ST7: variants seen among roughly 807,000 people sequenced by gnomAD.
The protein encoded by ST7 is suppressor of tumorigenicity 7 protein.
In ST7, 28 loss-of-function variants were observed where a neutral mutation model predicts 78.7. The ratio of observed to expected loss-of-function variants is 0.36; its 90% CI spans 0.26 to 0.49. ST7 has a LOEUF of 0.49. Ranked by LOEUF, ST7 falls within the 20% of genes least tolerant of loss-of-function variation. ST7 has a pLI of 0.99. For synonymous variants in ST7, 247 were observed against 249.6 expected, an observed-to-expected ratio of 0.99 and a Z score of 0.10; for missense variants, 418 against 696.0, an observed-to-expected ratio of 0.60 and a Z score of 4.49.
chr7:117,220,423 A>G (rs1213458381), intron 14 of ST7, among the ~76,000 whole-genome samples: 1 of 152,206 alleles, frequency 6.6e-6, no homozygotes, highest in South Asian at 2.1e-4. Flanking sequence ...TTTACCTTTC[A>G]ACTCCCCCTT....
intron 1 of ST7, chr7:116,972,120 G>A: frequency 1.8e-6 from 1 of 547,966 alleles, no homozygotes. Context: ...CTCAGGCAGA[G>A]TCAGGGTCAG....
At chr7:117,122,651 C>A (rs181885234) in intron 3 of ST7, among the ~76,000 whole-genome samples, 4 of 152,116 alleles carry the variant, frequency 2.6e-5, no homozygotes, top group Non-Finnish European at 1.5e-5. Context: ...AAATAGTTAT[C>A]CTTAGAAAAA....
At chr7:117,114,886 G>A (rs1308593622) in intron 2 of ST7, among the ~76,000 whole-genome samples, 1 of 152,158 alleles carries the variant, frequency 6.6e-6, no homozygotes, top group Admixed American at 6.5e-5. Context: ...TTCCCTGCAG[G>A]TAAATATGAG....
At chr7:117,168,550 A>G (rs1375805979) in intron 9 of ST7, among the ~76,000 whole-genome samples, 1 of 152,204 alleles carries the variant, frequency 6.6e-6, no homozygotes, top group Non-Finnish European at 1.5e-5. Context: ...AATCAAAATG[A>G]ACCAGAACAA....
At chr7:117,206,846 A>G (rs193585) in intron 12 of ST7, among the ~76,000 whole-genome samples, 146,251 of 152,272 alleles carry the variant, frequency 0.96, 70,300 homozygotes, top group East Asian at 1. Flanking sequence ...ATTGTCCACA[A>G]CAGTCAATGC....
At chr7:117,173,794 T>G (rs1237122983) in intron 10 of ST7, among the ~76,000 whole-genome samples, 2 of 152,148 alleles carry the variant, frequency 1.3e-5, no homozygotes, top group African/African-American at 4.8e-5. Context: ...GGTACAGCAA[T>G]CCTTCTTTAT....
chr7:117,169,236 A>G (rs1807800810), intron 9 of ST7, among the ~76,000 whole-genome samples: 1 of 151,464 alleles, frequency 6.6e-6, no homozygotes. Flanking sequence ...CCTGGGTTCA[A>G]GTGATTCTCC....
chr7:117,124,596 A>C (rs930674147), intron 3 of ST7, among the ~76,000 whole-genome samples: 3 of 152,140 alleles, frequency 2.0e-5, no homozygotes, highest in African/African-American at 7.2e-5. Context: ...CATTAACCTA[A>C]CTTACTGTAG....
intron 9 of ST7, among the ~76,000 whole-genome samples, chr7:117,143,554 G>T (rs779006407): frequency 6.6e-6 from 1 of 152,116 alleles, no homozygotes; most frequent in Non-Finnish European, 1.5e-5. Flanking sequence ...AGTGTTTACT[G>T]TGTCCTAGGC....
chr7:117,097,908 A>ATATATATATATATAT, intron 1 of ST7, among the ~76,000 whole-genome samples: 3 of 30,008 alleles, frequency 1.0e-4, no homozygotes, highest in South Asian at 1.9e-3. Context: ...ATATATATAT[A>ATATATATATATATAT]TTTTTTTTTT....
intron 1 of ST7, among the ~76,000 whole-genome samples, chr7:117,005,733 A>T (rs901702542): frequency 8.5e-5 from 13 of 152,122 alleles, no homozygotes; most frequent in African/African-American, 3.1e-4. Flanking sequence ...GTTTCTGCTT[A>T]AAAAAATGTC....
At chr7:116,971,337 A>G (rs1332173061) in intron 1 of ST7, among the ~76,000 whole-genome samples, 1 of 152,226 alleles carries the variant, frequency 6.6e-6, no homozygotes, top group African/African-American at 2.4e-5. Context: ...TGAGTTTCAC[A>G]TGGCTGAATC....
At chr7:117,002,907 C>G (rs1265261552) in intron 1 of ST7, among the ~76,000 whole-genome samples, 2 of 128,436 alleles carry the variant, frequency 1.6e-5, no homozygotes, top group African/African-American at 3.0e-5. Context: ...ACTGCTAACT[C>G]TGCCTCCCAG....
chr7:116,955,416 T>C (rs1418787368), intron 1 of ST7, among the ~76,000 whole-genome samples: 1 of 151,948 alleles, frequency 6.6e-6, no homozygotes, highest in East Asian at 1.9e-4. Flanking sequence ...GGTGGAAGGG[T>C]AAGAGAACAT....
intron 1 of ST7, among the ~76,000 whole-genome samples, chr7:117,053,109 T>TTTG (rs869039634): frequency 7.9e-6 from 1 of 127,048 alleles, no homozygotes; most frequent in Non-Finnish European, 1.9e-5. Context: ...ATTTAAGTTG[T>TTTG]TTGTTGTTCT....
chr7:117,109,026 A>G (rs112772129), intron 2 of ST7, among the ~76,000 whole-genome samples: 28 of 152,286 alleles, frequency 1.8e-4, no homozygotes, highest in African/African-American at 6.7e-4. Context: ...TTCTAGGTAT[A>G]TGATCATGTC....
At chr7:116,975,266 A>T (rs1357049055) in intron 1 of ST7, among the ~76,000 whole-genome samples, 1 of 152,142 alleles carries the variant, frequency 6.6e-6, no homozygotes, top group African/African-American at 2.4e-5. Flanking sequence ...TCACAACAGC[A>T]TGGGAAAAAC....
intron 2 of ST7, among the ~76,000 whole-genome samples, chr7:117,101,428 A>C (rs1801560503): frequency 6.6e-6 from 1 of 152,116 alleles, no homozygotes; most frequent in East Asian, 1.9e-4. Flanking sequence ...CACTAAGGGC[A>C]CTCTTAGAAG....
chr7:116,964,527 G>A (rs1562980459), intron 1 of ST7, among the ~76,000 whole-genome samples: 1 of 152,136 alleles, frequency 6.6e-6, no homozygotes, highest in Non-Finnish European at 1.5e-5. Flanking sequence ...TGGGGAGCGT[G>A]TGTATGTTTG....
Sources: allele counts gnomAD v4.1 joint callset (sites outside exome capture counted in the v4.1 genomes callset), GRCh38; gene constraint gnomAD v4.1.1; transcripts MANE v1.5; gene names NCBI Gene and HGNC (gene_info 2026-07-23, HGNC 2026-07-21).